PHF3: variants seen among roughly 807,000 people sequenced by gnomAD.
PHF3 encodes the protein PHD finger protein 3.
In PHF3, 41 loss-of-function variants were observed where a neutral mutation model predicts 178.4. That is an observed-to-expected ratio of 0.23 (90% CI 0.18 to 0.30). The LOEUF is 0.30. Ranked by LOEUF, PHF3 falls within the 10% of genes least tolerant of loss-of-function variation. The pLI is 1.00. For missense variants in PHF3, 2,346 were observed against 2,398.1 expected (o/e 0.98, Z 0.45); for synonymous variants, 842 against 800.5 (o/e 1.05, Z -0.88).
rs1268544774 is a variant in PHF3 at position 63,695,272 on chromosome 6, A to G, written c.2680+508A>G. Among the ~76,000 whole-genome samples the G allele has an allele frequency of 2.6e-5, 4 of 152,340 alleles. No individual in the cohort carries two copies. The East Asian group carries it at 7.7e-4, about 29-fold the overall frequency. On this transcript the variant is annotated intron_variant, in intron 6 of 15. Coordinates refer to ENST00000262043, the MANE Select transcript of PHF3 (RefSeq NM_001370348.2). The stretch of plus-strand genomic sequence containing the variant: ...ATTTGAGGAGCAAGAAAGCCACTGT[A>G]GAGTGATTAGAAGGTAATACATAAA...
chr6:63,725,252 A>T lies in PHF3; in HGVS notation c.*11544A>T, dbSNP rs569065039. Among the ~76,000 whole-genome samples the T allele has an allele frequency of 1.4e-4, 21 of 152,242 alleles. No individual in the cohort carries two copies. In the East Asian group the frequency reaches 4.1e-3, roughly 29 times the overall value. On this transcript the variant is annotated 3_prime_UTR_variant, in exon 16 of 16. Coordinates refer to ENST00000262043, the MANE Select transcript of PHF3 (RefSeq NM_001370348.2). The stretch of plus-strand genomic sequence containing the variant: ...TTGTCTTGAACTACATGCATTGAAT[A>T]ACAGATGTAAGAAGATGTGCTCTTG...
intron 2 of PHF3, among the ~76,000 whole-genome samples, chr6:63,658,649 G>C (rs544997026): frequency 6.6e-6 from 1 of 151,476 alleles, no homozygotes; most frequent in Non-Finnish European, 1.5e-5. Flanking sequence ...TAGTAATAAA[G>C]CTATTAACAA....
In PHF3 at chr6:63,713,788, T is replaced by G. The variant is rs1437787300; in HGVS notation, c.*80T>G. ...TGTAAACAAAAGAAAGATTGCCTGCTAGGATTGTGCCATCTTTAAAATTTT... is the reference window on the plus strand; with the variant it reads ...TGTAAACAAAAGAAAGATTGCCTGCGAGGATTGTGCCATCTTTAAAATTTT... On this transcript the variant is annotated 3_prime_UTR_variant, in exon 16 of 16. Transcript: ENST00000262043. 1 of 1,216,310 alleles carries G rather than the reference T, an allele frequency of 8.2e-7. No individual in the cohort carries two copies. The highest frequency in any genetic ancestry group is 1.5e-5 in the African/African-American group (1 of 64,842). The allele number at this position is 1,216,310 out of a possible 1,614,324, so 75.3% of individuals were successfully genotyped here. A position where few individuals can be genotyped will look rare whatever the true frequency, so the allele number is the denominator to read the frequency against.
chr6:63,646,771 A>C lies in PHF3; in HGVS notation c.220A>C (p.Asn74His), dbSNP rs1764800977. 6.5e-6 allele frequency: 10 copies of C among 1,537,484 alleles called. No homozygotes were observed. In the East Asian group the frequency reaches 2.5e-4, roughly 38 times the overall value. The change falls in exon 2 of 16, where the codon AAT (asparagine) becomes CAT (histidine). Residue 74 changes from asparagine (N) to histidine (H), a missense_variant. Physicochemically the swap from Asn to His is moderately conservative, Grantham distance 68. Coordinates refer to ENST00000262043, the MANE Select transcript of PHF3 (RefSeq NM_001370348.2). ...GCCTGTTTTGGATAGCAATGATCCC[A>C]ATTTCCAGATGCCTTGTTCAACAGG... ...CLPVLDSNDP[N>H]FQMPCSTVVG...
At chr6:63,657,335 A>G (rs1554148866) in intron 2 of PHF3, among the ~76,000 whole-genome samples, 1 of 152,176 alleles carries the variant, frequency 6.6e-6, no homozygotes, top group Non-Finnish European at 1.5e-5. Context: ...CAGAGCCCCC[A>G]TTCTTTGCAT....
At chr6:63,707,181 TAAATA>T (rs1767731175) in intron 13 of PHF3, among the ~76,000 whole-genome samples, 1 of 152,232 alleles carries the variant, frequency 6.6e-6, no homozygotes, top group East Asian at 1.9e-4. Flanking sequence ...AATACACACT[TAAATA>T]AAAGATTTAC....
intron 2 of PHF3, among the ~76,000 whole-genome samples, chr6:63,654,974 A>G (rs1208533121): frequency 1.3e-5 from 2 of 149,846 alleles, no homozygotes; most frequent in Non-Finnish European, 3.0e-5. Context: ...GCTCACTGCA[A>G]CGTCCACTTC....
At chr6:63,689,566 A>C (rs192256002) in intron 4 of PHF3, among the ~76,000 whole-genome samples, 93 of 152,264 alleles carry the variant, frequency 6.1e-4, no homozygotes, top group African/African-American at 2.1e-3. Flanking sequence ...TCTCTCTCAA[A>C]AACTCTTAAA....
At chr6:63,691,588 C>T (rs927412154) in intron 4 of PHF3, 149 bp from the exon 5 acceptor site, 27 of 622,994 alleles carry the variant, frequency 4.3e-5, no homozygotes, top group Non-Finnish European at 7.0e-5. Flanking sequence ...TGAAAACTTG[C>T]TGTATGTTGA....
At position 63,700,361 on chromosome 6, in the gene PHF3, A is replaced by G; in HGVS notation, c.2994A>G (p.Lys998=). The part of the protein sequence containing the change: ...LKDPKNNILF[K]KVLKGEVTPD... ...TAAAATCCTTCCAGATATTATTTAA[A>G]AAAGTACTGAAAGGAGAAGTAACTC... Residue 998 remains lysine, a synonymous_variant, in exon 9 of 16, where the codon AAA becomes AAG. Transcript: ENST00000262043. 1 of 1,535,916 alleles carries G rather than the reference A, an allele frequency of 6.5e-7. No homozygotes were observed. Among genetic ancestry groups the G allele is most frequent in the Non-Finnish European group, 8.9e-7 (1 of 1,119,076 alleles).
chr6:63,687,552 A>T (rs1031500315), intron 4 of PHF3, among the ~76,000 whole-genome samples: 2 of 152,210 alleles, frequency 1.3e-5, no homozygotes, highest in African/African-American at 4.8e-5. Context: ...CAGAATCTTT[A>T]AAAAATTATC....
intron 1 of PHF3, among the ~76,000 whole-genome samples, chr6:63,637,282 A>G (rs907651344): frequency 1.3e-5 from 2 of 152,194 alleles, no homozygotes; most frequent in African/African-American, 4.8e-5. Context: ...TTGGGGTCGA[A>G]CTTGTCTTCC....
At chr6:63,663,687 G>C (rs981713520) in intron 2 of PHF3, among the ~76,000 whole-genome samples, 1 of 152,146 alleles carries the variant, frequency 6.6e-6, no homozygotes, top group Non-Finnish European at 1.5e-5. Context: ...AACAGTGATA[G>C]AAAACTCCAG....
At chr6:63,661,102 C>T (rs887691675) in intron 2 of PHF3, among the ~76,000 whole-genome samples, 1 of 152,072 alleles carries the variant, frequency 6.6e-6, no homozygotes, top group Non-Finnish European at 1.5e-5. Flanking sequence ...AATCCCAGAC[C>T]CTTTACAGTT....
At chr6:63,706,372 A>G (rs1767693018) in intron 12 of PHF3, 148 bp downstream of exon 12, 1 of 616,770 alleles carries the variant, frequency 1.6e-6, no homozygotes, top group East Asian at 2.8e-5. Context: ...AGATAAAACA[A>G]GACTTCGAAA....
chr6:63,638,356 A>G (rs1764435873), intron 1 of PHF3, among the ~76,000 whole-genome samples: 1 of 152,076 alleles, frequency 6.6e-6, no homozygotes, highest in Non-Finnish European at 1.5e-5. Flanking sequence ...TGAAAATTAT[A>G]CATACAATTC....
chr6:63,673,320 C>T (rs1466929543), intron 2 of PHF3, among the ~76,000 whole-genome samples: 1 of 151,838 alleles, frequency 6.6e-6, no homozygotes, highest in African/African-American at 2.4e-5. Flanking sequence ...TCCAGTGTTG[C>T]AGAAAAAATA....
rs1307284868 is a variant in PHF3 at position 63,723,743 on chromosome 6, C to T, written c.*10035C>T. On this transcript the variant is annotated 3_prime_UTR_variant, in exon 16 of 16. Coordinates refer to ENST00000262043, the MANE Select transcript of PHF3 (RefSeq NM_001370348.2). ...AATCATAGACTTTTAAATTTCATTG[C>T]GTTAGGATATGATGCTCTAGTTATG... Among the ~76,000 whole-genome samples, 1 of 151,060 alleles carries T rather than the reference C, an allele frequency of 6.6e-6. No individual in the cohort carries two copies. Among genetic ancestry groups the T allele is most frequent in the African/African-American group, 2.4e-5 (1 of 41,142 alleles).
intron 2 of PHF3, among the ~76,000 whole-genome samples, chr6:63,670,660 T>A (rs1413751664): frequency 6.6e-6 from 1 of 152,234 alleles, no homozygotes; most frequent in Non-Finnish European, 1.5e-5. Context: ...ATGGAGGTTC[T>A]CATCTGTTGA....
Sources: gnomAD v4.1 joint callset for allele counts (sites outside exome capture counted in the v4.1 genomes callset) on GRCh38, gnomAD v4.1.1 for gene constraint, MANE v1.5 for transcripts, NCBI Gene and HGNC (gene_info 2026-07-23, HGNC 2026-07-21) for gene names.